The following MEF2C variants were observed in gnomAD, a reference collection of about 807,000 sequenced individuals.
The protein encoded by MEF2C is myocyte-specific enhancer factor 2C.
In MEF2C, 6 loss-of-function variants were observed where a neutral mutation model predicts 50.5. The ratio of observed to expected loss-of-function variants is 0.12; its 90% confidence interval spans 0.07 to 0.23. The LOEUF is 0.23. MEF2C is among the 10% of genes least tolerant of loss of function. The probability of loss-of-function intolerance (pLI) is 1.00; values close to 1 mark genes in which losing one functional copy is unlikely to be tolerated. For missense variants in MEF2C, 276 were observed against 605.0 expected (o/e 0.46, Z 5.70); for synonymous variants, 183 against 228.0 (o/e 0.80, Z 1.78).
intron 2 of MEF2C, among the ~76,000 whole-genome samples, chr5:88,810,862 TAA>T (rs1221376565): frequency 6.6e-6 from 1 of 152,134 alleles, no homozygotes; most frequent in Non-Finnish European, 1.5e-5. Context: ...CAGTAGGTGA[TAA>T]GAGTCTATAT....
chr5:88,891,947 A>C (rs304142), intron 1 of MEF2C, among the ~76,000 whole-genome samples: 91,291 of 151,918 alleles, frequency 0.6, 28,994 homozygotes, highest in African/African-American at 0.83. Context: ...TTAACTTAAC[A>C]CTTAGTTAAG....
rs146294608 is a variant in MEF2C, at chr5:88,739,429, T to C, written c.638-7528A>G. 159 of 956,582 alleles carry C rather than the reference T, an allele frequency of 1.7e-4. No individual in the cohort carries two copies. The African/African-American group carries it at 2.7e-3, about 17-fold the overall frequency. 59.3% of individuals were successfully genotyped at this position (956,582 alleles called of 1,614,324 possible). On this transcript the variant is annotated intron_variant, in intron 6 of 10. Transcript: ENST00000504921. ...ACATACATAATAATGCTCACTATCA[T>C]CAATTAATTTTATATTTTAGTTTTT...
At chr5:88,865,741 CTGAG>C (rs930598801) in intron 1 of MEF2C, among the ~76,000 whole-genome samples, 2 of 152,148 alleles carry the variant, frequency 1.3e-5, no homozygotes, top group African/African-American at 4.8e-5. Flanking sequence ...AGAATGAACA[CTGAG>C]TGTTACCAAT....
chr5:88,825,554 T>A (rs1013604312), intron 1 of MEF2C: 2 of 979,966 alleles, frequency 2.0e-6, no homozygotes, highest in Non-Finnish European at 2.4e-6. Flanking sequence ...GACAAATACA[T>A]ATAAAAATAG....
chr5:88,883,520 A>G (rs1189586606), upstream of MEF2C: 2 of 17,718 alleles, frequency 1.1e-4, no homozygotes, highest in Non-Finnish European at 2.2e-4. Context: ...GGCGGGGGGG[A>G]TTGAAGGATA....
intron 1 of MEF2C, among the ~76,000 whole-genome samples, chr5:88,849,124 T>A (rs1041888508): frequency 7.1e-6 from 1 of 141,580 alleles, no homozygotes; most frequent in Non-Finnish European, 1.5e-5. Flanking sequence ...GCACTCCAGA[T>A]TGGGCAACAG....
chr5:88,897,935 T>G (rs1835279881), intron 1 of MEF2C, among the ~76,000 whole-genome samples: 1 of 152,192 alleles, frequency 6.6e-6, no homozygotes, highest in Non-Finnish European at 1.5e-5. Context: ...TCCAGATTCA[T>G]GGGCCCCACC....
chr5:88,772,331 A>C (rs1302810024), intron 3 of MEF2C: 1 of 152,216 alleles, frequency 6.6e-6, no homozygotes, highest in Non-Finnish European at 1.5e-5. Context: ...ATAAAGATTG[A>C]GCTGTTTCCT....
intron 1 of MEF2C, among the ~76,000 whole-genome samples, chr5:88,833,814 T>C (rs1467024380): frequency 6.6e-6 from 1 of 152,118 alleles, no homozygotes; most frequent in East Asian, 1.9e-4. Context: ...TTATAGTGCT[T>C]CTTATAAGTT....
chr5:88,839,221 T>C (rs1430272100), intron 1 of MEF2C: 3 of 152,188 alleles, frequency 2.0e-5, no homozygotes, highest in Non-Finnish European at 4.4e-5. Flanking sequence ...ACATATATAG[T>C]ACATCTATAT....
chr5:88,736,839 C>G, intron 6 of MEF2C: 1 of 985,356 alleles, frequency 1.0e-6, no homozygotes, highest in Non-Finnish European at 1.2e-6. Context: ...TTATGGTCCT[C>G]GGAATATATG....
intron 1 of MEF2C, among the ~76,000 whole-genome samples, chr5:88,873,324 A>T (rs1349801084): frequency 6.6e-6 from 1 of 152,102 alleles, no homozygotes; most frequent in African/African-American, 2.4e-5. Context: ...GATGAACCAC[A>T]TCAGTTTCTC....
intron 1 of MEF2C, among the ~76,000 whole-genome samples, chr5:88,894,795 C>A (rs1834945091): frequency 6.6e-6 from 1 of 152,076 alleles, no homozygotes; most frequent in Non-Finnish European, 1.5e-5. Context: ...TTAAAAAAGT[C>A]ATTTTCACTA....
intron 1 of MEF2C, among the ~76,000 whole-genome samples, chr5:88,858,167 T>C (rs1350105474): frequency 2.6e-5 from 4 of 152,190 alleles, no homozygotes; most frequent in African/African-American, 7.2e-5. Flanking sequence ...TGCATACATC[T>C]TTCCTCCTTG....
At chr5:88,743,164 T>C (rs1379837266) in intron 6 of MEF2C, 1 of 918,562 alleles carries the variant, frequency 1.1e-6, no homozygotes, top group African/African-American at 1.8e-5. Context: ...AAATTATATC[T>C]TTATACTAAC....
chr5:88,772,613 T>C, intron 3 of MEF2C: 1 of 516,474 alleles, frequency 1.9e-6, no homozygotes, highest in Non-Finnish European at 2.5e-6. Context: ...GGCAGAGAGA[T>C]TTTTCAAGGA....
At chr5:88,798,427 A>G (rs1796920205) in intron 3 of MEF2C, among the ~76,000 whole-genome samples, 1 of 151,630 alleles carries the variant, frequency 6.6e-6, no homozygotes, top group African/African-American at 2.4e-5. Context: ...CGCTTGATCG[A>G]TTTGGGTATT....
chr5:88,889,902 A>G (rs1262423037), intron 1 of MEF2C, among the ~76,000 whole-genome samples: 1 of 152,210 alleles, frequency 6.6e-6, no homozygotes, highest in Non-Finnish European at 1.5e-5. Flanking sequence ...ACCCTTTAAC[A>G]GTGCACAAAG....
At chr5:88,757,417 G>GA (rs201236395) in intron 4 of MEF2C, among the ~76,000 whole-genome samples, 24 of 148,818 alleles carry the variant, frequency 1.6e-4, no homozygotes, top group South Asian at 1.3e-3. Flanking sequence ...TGTAGTAGAG[G>GA]AAAAAAAAAA....
Sources: allele counts gnomAD v4.1 joint callset (sites outside exome capture counted in the v4.1 genomes callset), GRCh38; gene constraint gnomAD v4.1.1; transcripts MANE v1.5; gene names NCBI Gene and HGNC (gene_info 2026-07-23, HGNC 2026-07-21).